Variants in PKD1L1 observed in about 807,000 individuals in gnomAD.
PKD1L1 encodes the protein polycystin 1 like 1, transient receptor potential channel interacting.
A neutral mutation model predicts 323.4 loss-of-function variants in PKD1L1; 236 were observed. The observed-to-expected ratio is 0.73, with a 90% CI of 0.66 to 0.81. The LOEUF (loss-of-function observed/expected upper bound fraction) is 0.81. Ranked by LOEUF, PKD1L1 falls within the 40% of genes least tolerant of loss-of-function variation. The pLI is 0.00. For synonymous variants in PKD1L1, 1,344 were observed against 1,335.0 expected, an observed-to-expected ratio of 1.01 and a Z score of -0.15; for missense variants, 3,320 against 3,508.0, an observed-to-expected ratio of 0.95 and a Z score of 1.35.
At chr7:47,958,918 C>T in the PKD1L1 span, among the ~76,000 whole-genome samples, 1 of 152,208 alleles carries the variant, frequency 6.6e-6, no homozygotes, top group East Asian at 1.9e-4. Flanking sequence ...CTGCAGCCTC[C>T]CTGCCTGATT....
At chr7:47,930,816 A>AAAAC (rs778353185) in intron 6 of PKD1L1, among the ~76,000 whole-genome samples, 21 of 152,296 alleles carry the variant, frequency 1.4e-4, no homozygotes, top group African/African-American at 4.6e-4. Flanking sequence ...CTCTGTCAAA[A>AAAAC]AAACAAACAA....
chr7:47,949,784 C>G (rs1314414979), upstream of PKD1L1, among the ~76,000 whole-genome samples: 1 of 152,164 alleles, frequency 6.6e-6, no homozygotes, highest in Non-Finnish European at 1.5e-5. Context: ...GATGGGAACA[C>G]AGACCCCTTG....
At chr7:47,890,050 T>C (rs1026643843) in intron 16 of PKD1L1, among the ~76,000 whole-genome samples, 8 of 152,230 alleles carry the variant, frequency 5.3e-5, no homozygotes, top group African/African-American at 1.9e-4. Flanking sequence ...CTACAGGGGT[T>C]CTGGGTTTGG....
chr7:47,829,674 G>A (rs530739238), intron 43 of PKD1L1, 73 bp from the exon 44 acceptor site: 114 of 1,433,870 alleles, frequency 8.0e-5, no homozygotes, highest in African/African-American at 7.6e-4. Context: ...CTGTCCTCCC[G>A]TCCCCTAATC....
rs557709757 is a variant in PKD1L1 at position 47,817,384 on chromosome 7, G to A, written c.6966-1927C>T. On this transcript the variant is annotated intron_variant, in intron 46 of 56. Coordinates refer to ENST00000289672, the MANE Select transcript of PKD1L1 (RefSeq NM_138295.5). ...TATGTTTACAGGTAAGGTGTAGAAC[G>A]GACACTCCACTGTTGATTCAGAGCA... Among the ~76,000 whole-genome samples the A allele has an allele frequency of 5.3e-5, 8 of 151,852 alleles. No individual in the cohort carries two copies. The South Asian group carries it at 6.3e-4, about 12-fold the overall frequency.
intron 1 of PKD1L1, among the ~76,000 whole-genome samples, chr7:47,948,040 A>G (rs1329124094): frequency 1.3e-5 from 2 of 152,186 alleles, no homozygotes; most frequent in South Asian, 2.1e-4. Context: ...CCTGGTCTCC[A>G]TGCAAGGGAC....
intron 28 of PKD1L1, among the ~76,000 whole-genome samples, chr7:47,857,311 G>A (rs981467046): frequency 6.6e-6 from 1 of 152,166 alleles, no homozygotes; most frequent in East Asian, 1.9e-4. Flanking sequence ...ACCCCCTAGA[G>A]CCTTCTGTTC....
chr7:47,917,920 C>T (rs1206765160), intron 7 of PKD1L1, among the ~76,000 whole-genome samples: 1 of 151,736 alleles, frequency 6.6e-6, no homozygotes, highest in African/African-American at 2.4e-5. Context: ...TAAAAAAACC[C>T]AAAACCAATA....
chr7:47,885,622 TGC>T, intron 18 of PKD1L1, 62 bp downstream of exon 18: 1 of 1,542,898 alleles, frequency 6.5e-7, no homozygotes, highest in Non-Finnish European at 8.7e-7. Context: ...CCAGATTCAC[TGC>T]TTCCAAAGGT....
intron 36 of PKD1L1, among the ~76,000 whole-genome samples, chr7:47,837,974 G>A (rs1785492955): frequency 6.6e-6 from 1 of 152,178 alleles, no homozygotes; most frequent in African/African-American, 2.4e-5. Context: ...GCTCATACGT[G>A]ACTAAATTAA....
chr7:47,813,621 A>G (rs992547221), intron 48 of PKD1L1: 2 of 664,612 alleles, frequency 3.0e-6, no homozygotes, highest in Non-Finnish European at 5.5e-6. Flanking sequence ...AGATATGTGA[A>G]TATTCTATTT....
At chr7:47,859,751 G>A (rs1020464492) in intron 26 of PKD1L1, among the ~76,000 whole-genome samples, 4 of 151,012 alleles carry the variant, frequency 2.6e-5, no homozygotes, top group East Asian at 1.9e-4. Context: ...TCAGCCTCCC[G>A]AGTAGCTGGG....
chr7:47,843,849 G>A (rs1242259865), intron 33 of PKD1L1, among the ~76,000 whole-genome samples: 4 of 152,096 alleles, frequency 2.6e-5, no homozygotes, highest in East Asian at 3.9e-4. Flanking sequence ...TATGTCACAC[G>A]GGGATGTTGC....
intron 28 of PKD1L1, 61 bp downstream of exon 28, chr7:47,857,544 G>A (rs1452509524): frequency 2.8e-6 from 4 of 1,428,768 alleles, no homozygotes; most frequent in Non-Finnish European, 1.9e-6. Context: ...TGTCATTTAA[G>A]CCCAATTACT....
intron 46 of PKD1L1, 71 bp downstream of exon 46, chr7:47,821,005 G>T: frequency 1.1e-6 from 1 of 878,196 alleles, no homozygotes; most frequent in East Asian, 2.5e-5. Flanking sequence ...TGTGAAACAT[G>T]GGGAAGGTGC....
intron 7 of PKD1L1, among the ~76,000 whole-genome samples, chr7:47,927,200 T>G (rs1787671094): frequency 6.7e-6 from 1 of 149,280 alleles, no homozygotes; most frequent in Admixed American, 6.7e-5. Context: ...AGTTAAAAAT[T>G]CCTACATGAA....
intron 37 of PKD1L1, among the ~76,000 whole-genome samples, chr7:47,836,541 T>A (rs1238319888): frequency 6.6e-6 from 1 of 152,194 alleles, no homozygotes; most frequent in Non-Finnish European, 1.5e-5. Context: ...AATGTGGCCA[T>A]CAGAATGGTT....
chr7:47,829,636 C>T, intron 43 of PKD1L1, 35 bp from the exon 44 acceptor site: 2 of 1,567,976 alleles, frequency 1.3e-6, no homozygotes, highest in South Asian at 2.4e-5. Context: ...AGAGAGCCGC[C>T]CTATGTCTGT....
chr7:47,823,807 T>C (rs896043929), intron 45 of PKD1L1, among the ~76,000 whole-genome samples: 7 of 152,204 alleles, frequency 4.6e-5, no homozygotes, highest in Admixed American at 6.5e-5. Context: ...TCCTGTTATG[T>C]GGTTTCCCAG....
Sources: allele counts gnomAD v4.1 joint callset (sites outside exome capture counted in the v4.1 genomes callset), GRCh38; gene constraint gnomAD v4.1.1; transcripts MANE v1.5; gene names NCBI Gene and HGNC (gene_info 2026-07-23, HGNC 2026-07-21).